The following KMT2C variants were observed in gnomAD, a reference collection of about 807,000 sequenced individuals.
The protein encoded by KMT2C is histone-lysine N-methyltransferase 2C.
KMT2C carries 88 observed loss-of-function variants against 507.9 expected under a neutral mutation model. That is an observed-to-expected ratio of 0.17 (90% CI 0.15 to 0.21). KMT2C has a LOEUF of 0.21. Ranked by LOEUF, KMT2C falls within the 10% of genes least tolerant of loss-of-function variation. KMT2C has a pLI of 1.00. For missense variants in KMT2C, 4,954 were observed against 5,957.8 expected (o/e 0.83, Z 5.55); for synonymous variants, 2,049 against 2,080.8 (o/e 0.98, Z 0.42).
At chr7:152,170,112 CA>C (rs2092897763) in intron 40 of KMT2C, among the ~76,000 whole-genome samples, 1 of 152,114 alleles carries the variant, frequency 6.6e-6, no homozygotes, top group South Asian at 2.1e-4. Context: ...GTTGGTTTAA[CA>C]TTTGACATAT....
chr7:152,177,141 C>A lies in KMT2C; in HGVS notation c.8312G>T (p.Ser2771Ile), dbSNP rs756760285. Residue 2771 changes from serine to isoleucine, a missense_variant, in exon 38 of 59, where the codon AGC (serine) becomes ATC (isoleucine). Ser to Ile is a moderately radical substitution (Grantham distance 142, BLOSUM62 -2). Transcript: ENST00000262189. ...AAGGTCTAGTTCCTCATTAAACATG[C>A]TTTTCTTATCTCCCATGTCAAGTTC... ...DPELDMGDKK[S>I]MFNEELDLPI... 6.2e-7 allele frequency: 1 copy of A among 1,613,634 alleles called. No homozygotes were observed. Among genetic ancestry groups the A allele is most frequent in the African/African-American group, 1.3e-5 (1 of 75,016 alleles).
intron 3 of KMT2C, among the ~76,000 whole-genome samples, chr7:152,325,877 T>G (rs2096823869): frequency 6.6e-6 from 1 of 152,148 alleles, no homozygotes; most frequent in Non-Finnish European, 1.5e-5. Flanking sequence ...AGTCTATAAA[T>G]TAACTGGAGT....
At chr7:152,278,828 A>G (rs1374589120) in intron 6 of KMT2C, among the ~76,000 whole-genome samples, 241 of 152,228 alleles carry the variant, frequency 1.6e-3, no homozygotes, top group Middle Eastern at 0.01. Context: ...CCTAATAAAT[A>G]TATGTCACAT....
chr7:152,172,672 C>T (rs1279727879), intron 39 of KMT2C, among the ~76,000 whole-genome samples: 4 of 152,200 alleles, frequency 2.6e-5, no homozygotes, highest in African/African-American at 7.2e-5. Context: ...GCAACAACAG[C>T]GAAACTCCGT....
At position 152,152,235 on chromosome 7, in the gene KMT2C, G is replaced by A. The variant is rs185399511; in HGVS notation, c.12526+470C>T. Among the ~76,000 whole-genome samples, 189 of 152,314 alleles carry A rather than the reference G, an allele frequency of 1.2e-3. 1 individual carries two copies. The Middle Eastern group carries it at 0.017, about 14-fold the overall frequency. Reference sequence around the variant, plus strand: ...GGAAGTTGTTCCATTCTCAGAGATGGGGGGCATGAACACCTCTGTGGGAAG... The same window carrying A: ...GGAAGTTGTTCCATTCTCAGAGATGAGGGGCATGAACACCTCTGTGGGAAG... On this transcript the variant is annotated intron_variant, in intron 49 of 58. Coordinates refer to ENST00000262189, the MANE Select transcript of KMT2C (RefSeq NM_170606.3).
At chr7:152,216,615 C>T (rs1464615785) in intron 23 of KMT2C, among the ~76,000 whole-genome samples, 3 of 152,154 alleles carry the variant, frequency 2.0e-5, no homozygotes, top group Non-Finnish European at 4.4e-5. Context: ...TGCTATAATA[C>T]AGAGGAAAAC....
At chr7:152,210,723 G>GA (rs574162914) in intron 23 of KMT2C, among the ~76,000 whole-genome samples, 2 of 150,350 alleles carry the variant, frequency 1.3e-5, no homozygotes, top group Admixed American at 6.6e-5. Context: ...TAAGTAGGAA[G>GA]AAAAAAAATC....
chr7:152,270,957 T>C (rs1297187146), intron 7 of KMT2C, among the ~76,000 whole-genome samples: 1 of 152,144 alleles, frequency 6.6e-6, no homozygotes, highest in Non-Finnish European at 1.5e-5. Flanking sequence ...TCAACCTTAC[T>C]CCTAACTCAG....
At position 152,251,925 on chromosome 7, in the gene KMT2C, A is replaced by G. The variant is rs752627785; in HGVS notation, c.1621+14T>C. On this transcript the variant is annotated intron_variant, in intron 11 of 58. Transcript: ENST00000262189. ...AAAACAAAAAATTTAAAAAAAAATC[A>G]TTCTCAAATTTACCTGTAGTGAGCT... The G allele has an allele frequency of 1.9e-5, 30 of 1,557,320 alleles. No individual in the cohort carries two copies. The South Asian group carries it at 2.5e-4, about 13-fold the overall frequency.
intron 23 of KMT2C, among the ~76,000 whole-genome samples, chr7:152,218,985 T>C (rs993185181): frequency 1.9e-4 from 29 of 152,128 alleles, no homozygotes; most frequent in Admixed American, 1.9e-3. Flanking sequence ...TTTTTTTTTT[T>C]TGGAGACAGA....
chr7:152,148,091 G>A lies in KMT2C; in HGVS notation c.13836C>T (p.Val4612=). The change falls in exon 52 of 59, where the codon GTC becomes GTT. Residue 4612 remains valine (V), a synonymous_variant. Coordinates refer to ENST00000262189, the MANE Select transcript of KMT2C (RefSeq NM_170606.3). This position sits in a 1 kb window ranked among gnomAD's most constrained non-coding sequence, Gnocchi z 7.1. ...IEEKDGRPVF[V]IRIVEQGHED... is the part of the protein sequence containing the mutation. ...CATGGCCTTGTTCCACAATCCTGAT[G>A]ACAAACACTGGGCGCCCATCCTTCT... 6.2e-7 allele frequency: 1 copy of A among 1,609,722 alleles called. No individual in the cohort carries two copies.
chr7:152,181,788 G>C lies in KMT2C; in HGVS notation c.6072C>G (p.Asp2024Glu), dbSNP rs376404069. 10 of 1,614,016 alleles carry C rather than the reference G, an allele frequency of 6.2e-6. No individual in the cohort carries two copies. The highest frequency in any genetic ancestry group is 8.5e-6 in the Non-Finnish European group (10 of 1,180,034). Residue 2024 changes from aspartate (D) to glutamate (E), a missense_variant, in exon 36 of 59, where the codon GAC becomes GAG. By Grantham distance (45) the Asp-to-Glu change is conservative (BLOSUM62 2). Around this residue, in one of 29 missense-constraint regions of KMT2C, gnomAD observed 1,689 missense variants for 1,654.3 expected, o/e 1.02. Transcript: ENST00000262189. ...ADVFQRQRIP[D>E]SYARPLLTPA... is the part of the protein sequence containing the mutation. ...GTGTCAACAAGGGTCGTGCATATGA[G>C]TCAGGTATCCTTTGTCTTTGAAACA...
chr7:152,336,368 C>T (rs189936913), intron 2 of KMT2C, among the ~76,000 whole-genome samples: 39 of 152,188 alleles, frequency 2.6e-4, no homozygotes, highest in Non-Finnish European at 3.7e-4. Flanking sequence ...TTCTCCTAAT[C>T]CTAGTCTTCA....
chr7:152,266,815 A>C (rs1456681448), intron 7 of KMT2C, among the ~76,000 whole-genome samples: 33 of 152,292 alleles, frequency 2.2e-4, no homozygotes, highest in African/African-American at 7.7e-4. Flanking sequence ...CAGTACAAAA[A>C]CAGGCTTCAA....
At chr7:152,303,906 T>C (rs1400626391) in intron 6 of KMT2C, among the ~76,000 whole-genome samples, 2 of 151,924 alleles carry the variant, frequency 1.3e-5, no homozygotes, top group Admixed American at 6.6e-5. Flanking sequence ...GAGGATGACT[T>C]GGGCCCAGGA....
At chr7:152,259,446 G>GCGCACACACACACACACACACACACACA (rs1188729137) in intron 9 of KMT2C, among the ~76,000 whole-genome samples, 1 of 134,688 alleles carries the variant, frequency 7.4e-6, no homozygotes, top group Admixed American at 7.3e-5. Context: ...ACACACACGC[G>GCGCACACACACACACACACACACACACA]CACACACACA....
chr7:152,169,094 T>C (rs1450798637), intron 41 of KMT2C, 92 bp downstream of exon 41: 6 of 794,788 alleles, frequency 7.5e-6, no homozygotes, highest in Middle Eastern at 2.3e-4. Flanking sequence ...CTTGAACTGG[T>C]GTACCTACAC....
chr7:152,302,133 A>C (rs1006426352), intron 6 of KMT2C, among the ~76,000 whole-genome samples: 2 of 152,252 alleles, frequency 1.3e-5, no homozygotes, highest in African/African-American at 4.8e-5. Context: ...ATGAAATTTC[A>C]ATATAGAATT....
intron 3 of KMT2C, among the ~76,000 whole-genome samples, chr7:152,320,579 A>G (rs1486976582): frequency 6.8e-6 from 1 of 146,918 alleles, no homozygotes; most frequent in Non-Finnish European, 1.5e-5. Flanking sequence ...GGAGAAACTC[A>G]ACCTGAGTTT....
Sources: allele counts gnomAD v4.1 joint callset (sites outside exome capture counted in the v4.1 genomes callset), GRCh38; gene constraint gnomAD v4.1.1; regional missense constraint gnomAD v4.1.1; non-coding constraint Gnocchi (gnomAD v3.1); transcripts MANE v1.5; gene names NCBI Gene and HGNC (gene_info 2026-07-23, HGNC 2026-07-21).